WWOX: variants seen among roughly 807,000 people sequenced by gnomAD.
WWOX encodes the protein WW domain-containing oxidoreductase.
In WWOX, 69 loss-of-function variants were observed where a neutral mutation model predicts 46.2. That is an observed-to-expected ratio of 1.49 (90% CI 1.23 to 1.82). The LOEUF is 1.82. WWOX is among the 40% of genes most tolerant of loss of function. The pLI, the probability that WWOX is intolerant of heterozygous loss-of-function variation, is 0.00. For synonymous variants in WWOX, 359 were observed against 202.6 expected, an observed-to-expected ratio of 1.77 and a Z score of -6.56; for missense variants, 919 against 542.6, an observed-to-expected ratio of 1.69 and a Z score of -6.89.
intron 8 of WWOX, among the ~76,000 whole-genome samples, chr16:79,046,763 G>GGT (rs2048073259): frequency 6.6e-6 from 1 of 152,070 alleles, no homozygotes; most frequent in Non-Finnish European, 1.5e-5. Context: ...TCCAGGGCTG[G>GGT]GTGTGTGTGG....
At chr16:79,037,515 C>T (rs957427170) in intron 8 of WWOX, among the ~76,000 whole-genome samples, 2 of 152,042 alleles carry the variant, frequency 1.3e-5, no homozygotes, top group African/African-American at 4.8e-5. Flanking sequence ...GCAGCTGTCA[C>T]CTTCCCAAAG....
At chr16:79,071,109 G>T (rs914225896) in intron 8 of WWOX, among the ~76,000 whole-genome samples, 2 of 152,174 alleles carry the variant, frequency 1.3e-5, no homozygotes, top group Admixed American at 1.3e-4. Context: ...TTATTCCATA[G>T]ACTGTGAAGT....
rs1371878998 is a variant in WWOX, at chr16:78,491,826, G to T, written c.1056+59074G>T. The stretch of plus-strand genomic sequence containing the variant: ...TAAATAACTATCATTTGCAGAGGAG[G>T]GGGGCACAGATGCCTCCAGTGGCCC... On this transcript the variant is annotated intron_variant, in intron 8 of 8. Transcript: ENST00000566780. 1.6e-4 allele frequency among the ~76,000 whole-genome samples: 25 copies of T among 152,234 alleles called. No individual in the cohort carries two copies. In the East Asian group the frequency reaches 4.8e-3, roughly 29 times the overall value.
At chr16:78,149,317 A>G (rs958223381) in intron 4 of WWOX, among the ~76,000 whole-genome samples, 1 of 152,206 alleles carries the variant, frequency 6.6e-6, no homozygotes, top group Non-Finnish European at 1.5e-5. Flanking sequence ...TTAAGTCTAT[A>G]ATTGTAAACT....
chr16:78,152,558 G>T (rs2151722534), intron 4 of WWOX, among the ~76,000 whole-genome samples: 1 of 152,210 alleles, frequency 6.6e-6, no homozygotes, highest in East Asian at 1.9e-4. Flanking sequence ...TTACCGACAG[G>T]ACTGCCGCTC....
intron 8 of WWOX, among the ~76,000 whole-genome samples, chr16:79,179,589 A>G (rs747140303): frequency 7.2e-5 from 11 of 152,220 alleles, no homozygotes; most frequent in Non-Finnish European, 1.2e-4. Context: ...GTGGAAAGCA[A>G]TGTAGCTTCT....
At chr16:78,756,888 A>T (rs1248536153) in intron 8 of WWOX, 1 of 702,968 alleles carries the variant, frequency 1.4e-6, no homozygotes, top group African/African-American at 1.7e-5. Flanking sequence ...ACGAGGCTAG[A>T]CCATAAAAAT....
Position 78,859,557 on chromosome 16 carries a change from G to A in WWOX, c.1057-352051G>A, listed in dbSNP as rs117694282. Among the ~76,000 whole-genome samples, 253 of 152,204 alleles carry A rather than the reference G, an allele frequency of 1.7e-3. 1 individual carries two copies. Among genetic ancestry groups the A allele is most frequent in the East Asian group, 0.016 (85 of 5,174 alleles). ...GCATGTTGCTGTTAGTAAAACTTCA[G>A]ATTTTTCCTGTCATTATGGATTTGG... On this transcript the variant is annotated intron_variant, in intron 8 of 8. Transcript: ENST00000566780.
chr16:79,176,885 G>A (rs2050810741), intron 8 of WWOX, among the ~76,000 whole-genome samples: 1 of 152,054 alleles, frequency 6.6e-6, no homozygotes, highest in African/African-American at 2.4e-5. Flanking sequence ...TTTCCCCACT[G>A]GCATAATCCA....
intron 8 of WWOX, among the ~76,000 whole-genome samples, chr16:78,610,525 C>G (rs943594231): frequency 6.6e-6 from 1 of 152,150 alleles, no homozygotes; most frequent in African/African-American, 2.4e-5. Context: ...GGGAAGGAAG[C>G]TGTCTTACCT....
At chr16:78,423,195 A>C (rs1053387658) in intron 6 of WWOX, among the ~76,000 whole-genome samples, 3 of 152,052 alleles carry the variant, frequency 2.0e-5, no homozygotes, top group African/African-American at 7.2e-5. Context: ...TTATTTTTAT[A>C]TATCTTCCAT....
chr16:79,059,613 G>A (rs966254984), intron 8 of WWOX, among the ~76,000 whole-genome samples: 25 of 152,244 alleles, frequency 1.6e-4, no homozygotes, highest in Admixed American at 7.2e-4. Flanking sequence ...GCCTCAGCCT[G>A]CCTCCCAAGT....
At chr16:78,715,327 A>C (rs2048535763) in intron 8 of WWOX, among the ~76,000 whole-genome samples, 1 of 152,164 alleles carries the variant, frequency 6.6e-6, no homozygotes, top group African/African-American at 2.4e-5. Flanking sequence ...CAGCAACTGC[A>C]CATTTGTCAA....
intron 8 of WWOX, among the ~76,000 whole-genome samples, chr16:78,716,957 A>G (rs377346594): frequency 2.4e-4 from 36 of 152,302 alleles, no homozygotes; most frequent in African/African-American, 8.7e-4. Flanking sequence ...AGATCAGAGG[A>G]TAAGGAATGT....
At chr16:78,221,874 T>C (rs1376766059) in intron 5 of WWOX, among the ~76,000 whole-genome samples, 6 of 152,292 alleles carry the variant, frequency 3.9e-5, no homozygotes, top group African/African-American at 1.2e-4. Flanking sequence ...CAAAGCAGAC[T>C]TTGTTTGTTT....
chr16:78,873,321 G>C (rs2044166766), intron 8 of WWOX: 1 of 152,160 alleles, frequency 6.6e-6, no homozygotes, highest in Admixed American at 6.5e-5. Context: ...GAAGGGACTA[G>C]CTCCTATTAT....
At chr16:78,328,342 A>G (rs2080677388) in intron 5 of WWOX, among the ~76,000 whole-genome samples, 1 of 152,202 alleles carries the variant, frequency 6.6e-6, no homozygotes, top group Non-Finnish European at 1.5e-5. Context: ...ACACCTCACT[A>G]GGGATATTTC....
intron 8 of WWOX, among the ~76,000 whole-genome samples, chr16:78,475,993 T>C (rs2084340089): frequency 6.6e-6 from 1 of 152,196 alleles, no homozygotes; most frequent in East Asian, 1.9e-4. Context: ...GGTTTTTCTT[T>C]CCTCCAGCTC....
intron 8 of WWOX, among the ~76,000 whole-genome samples, chr16:78,913,429 T>A (rs2151258511): frequency 6.6e-6 from 1 of 152,006 alleles, no homozygotes; most frequent in Middle Eastern, 3.4e-3. Context: ...AAAACCTGTC[T>A]TGCAAAACCC....
Sources: allele counts gnomAD v4.1 joint callset (sites outside exome capture counted in the v4.1 genomes callset), GRCh38; gene constraint gnomAD v4.1.1; transcripts MANE v1.5; gene names NCBI Gene and HGNC (gene_info 2026-07-23, HGNC 2026-07-21).